OS9: variants seen among roughly 807,000 people sequenced by gnomAD.
OS9 encodes protein OS-9.
In OS9, 58 loss-of-function variants were observed where a neutral mutation model predicts 84.7. That is an observed-to-expected ratio of 0.68 (90% CI 0.55 to 0.85). OS9 has a LOEUF of 0.85. OS9 is among the 40% of genes least tolerant of loss of function. The pLI is 0.00. For missense variants in OS9, 760 were observed against 850.9 expected (o/e 0.89, Z 1.33); for synonymous variants, 278 against 320.8 (o/e 0.87, Z 1.43).
intron 5 of OS9, among the ~76,000 whole-genome samples, chr12:57,710,842 C>T (rs960502880): frequency 6.6e-6 from 1 of 151,952 alleles, no homozygotes; most frequent in African/African-American, 2.4e-5. Context: ...GAGTTCAAGA[C>T]CAGCTTGGCC....
At chr12:57,707,842 G>A (rs1954216254) in intron 5 of OS9, among the ~76,000 whole-genome samples, 1 of 151,634 alleles carries the variant, frequency 6.6e-6, no homozygotes. Flanking sequence ...TATAATCCTA[G>A]CATTTTGGGA....
At chr12:57,695,716 A>T (rs2140285004) in intron 2 of OS9, 64 bp from the exon 3 acceptor site, 2 of 991,080 alleles carry the variant, frequency 2.0e-6, no homozygotes, top group East Asian at 4.8e-5. Flanking sequence ...GAGCCAGGAG[A>T]CTCTGGTTCC....
rs1396601489 is a variant in OS9, at chr12:57,716,397, T to C, written c.893-15T>C. 7.1e-6 allele frequency: 11 copies of C among 1,544,290 alleles called. No individual in the cohort carries two copies. The highest frequency in any genetic ancestry group is 9.7e-6 in the Non-Finnish European group (11 of 1,139,814). The stretch of plus-strand genomic sequence containing the variant: ...CTCCTGTCAGATCAGTCTCTCCCTG[T>C]TCTCTGTACCCTAGGTGCGAGCCCG... On this transcript the variant is annotated splice_polypyrimidine_tract_variant and intron_variant, in intron 7 of 14. Coordinates refer to ENST00000315970, the MANE Select transcript of OS9 (RefSeq NM_006812.4).
chr12:57,704,079 T>C (rs11172304), intron 5 of OS9, among the ~76,000 whole-genome samples: 71,514 of 152,006 alleles, frequency 0.47, 17,371 homozygotes, highest in Middle Eastern at 0.65. Context: ...TTGGGTTTTT[T>C]CCCCTTCATT....
intron 13 of OS9, 57 bp from the exon 14 acceptor site, chr12:57,720,349 G>C: frequency 6.3e-7 from 1 of 1,586,468 alleles, no homozygotes; most frequent in Non-Finnish European, 8.7e-7. Flanking sequence ...GGGGCAGGGG[G>C]CCTGCCCTGA....
chr12:57,713,234 G>GT (rs1311443829), intron 5 of OS9, among the ~76,000 whole-genome samples: 1 of 152,118 alleles, frequency 6.6e-6, no homozygotes, highest in Non-Finnish European at 1.5e-5. Context: ...CCCATACTCT[G>GT]TTTCATATTA....
intron 5 of OS9, among the ~76,000 whole-genome samples, chr12:57,700,621 G>A (rs1953992887): frequency 6.6e-6 from 1 of 152,136 alleles, no homozygotes; most frequent in Non-Finnish European, 1.5e-5. Flanking sequence ...TCTCTGTGGG[G>A]CTAGGGAACA....
intron 5 of OS9, among the ~76,000 whole-genome samples, chr12:57,700,824 G>A (rs1212279685): frequency 6.6e-6 from 1 of 152,074 alleles, no homozygotes; most frequent in African/African-American, 2.4e-5. Flanking sequence ...AGAGCAATTT[G>A]CCTCTAAAGG....
chr12:57,718,818 T>G (rs1329625475), intron 11 of OS9, among the ~76,000 whole-genome samples, 175 bp from the exon 12 acceptor site: 1 of 151,220 alleles, frequency 6.6e-6, no homozygotes, highest in South Asian at 2.1e-4. Context: ...GGCAAGAGAA[T>G]CGCTCGAACC....
At chr12:57,719,981 T>C (rs1954624739) in intron 12 of OS9, 118 bp from the exon 13 acceptor site, 1 of 915,692 alleles carries the variant, frequency 1.1e-6, no homozygotes, top group East Asian at 2.4e-5. Flanking sequence ...CTCATATACA[T>C]GTTGAGATGG....
At chr12:57,698,296 C>T (rs988824885) in intron 5 of OS9, among the ~76,000 whole-genome samples, 5 of 100,938 alleles carry the variant, frequency 5.0e-5, no homozygotes, top group Non-Finnish European at 1.2e-4. Flanking sequence ...CGTATATAAT[C>T]CGTTATAGCA....
At chr12:57,700,214 G>C (rs1953979936) in intron 5 of OS9, among the ~76,000 whole-genome samples, 1 of 151,376 alleles carries the variant, frequency 6.6e-6, no homozygotes. Context: ...TGAGAGAGGG[G>C]GCATTCTGTG....
Position 57,718,149 on chromosome 12 carries a change from A to G in OS9, c.1138A>G (p.Lys380Glu). The G allele has an allele frequency of 1.2e-6, 2 of 1,613,372 alleles. No homozygotes were observed. The highest frequency in any genetic ancestry group is 1.7e-6 in the Non-Finnish European group (2 of 1,179,476). The change falls in exon 11 of 15, where the codon AAG becomes GAG. Residue 380 changes from lysine (K) to glutamate (E), a missense_variant. By Grantham distance (56) the Lys-to-Glu change is moderately conservative (BLOSUM62 1). Coordinates refer to ENST00000315970, the MANE Select transcript of OS9 (RefSeq NM_006812.4). ...TCCCCACTCCCTACCCACCCAGGGG[A>G]AGCCAAATATAGGCCAAGAGCAGCC... ...EELKGGTKKGKPNIGQEQPVD... is the reference protein window; with the variant it reads ...EELKGGTKKGEPNIGQEQPVD...
chr12:57,707,073 GA>G (rs1954192190), intron 5 of OS9, among the ~76,000 whole-genome samples: 1 of 151,802 alleles, frequency 6.6e-6, no homozygotes, highest in Non-Finnish European at 1.5e-5. Flanking sequence ...TAAAATTACA[GA>G]TTTTTTTGTT....
intron 5 of OS9, among the ~76,000 whole-genome samples, chr12:57,703,127 C>T (rs147269541): frequency 3.7e-4 from 57 of 152,286 alleles, no homozygotes; most frequent in African/African-American, 1.2e-3. Flanking sequence ...GCGATCTCAG[C>T]TCACTGCAAC....
chr12:57,694,758 T>G lies in OS9; in HGVS notation c.171T>G (p.Ser57=), dbSNP rs1953774130. ...CCTCCCTTCTTTCCCAGAGCCAATC[T>G]TCGGACGTGGTGATTGTCTCCTCTA... ...PLPVMGGQSQ[S]SDVVIVSSKY... is the part of the protein sequence containing the mutation. Residue 57 remains serine, a synonymous_variant, in exon 2 of 15, where the codon TCT becomes TCG. Coordinates refer to ENST00000315970, the MANE Select transcript of OS9 (RefSeq NM_006812.4). 1 of 1,613,604 alleles carries G rather than the reference T, an allele frequency of 6.2e-7. No individual in the cohort carries two copies. Among genetic ancestry groups the G allele is most frequent in the Non-Finnish European group, 8.5e-7 (1 of 1,179,962 alleles).
Position 57,721,090 on chromosome 12 carries a change from C to T in OS9, c.*181C>T. The T allele has an allele frequency of 1.6e-6, 1 of 627,496 alleles. No homozygotes were observed. Among genetic ancestry groups the T allele is most frequent in the East Asian group, 2.9e-5 (1 of 34,180 alleles). 38.9% of individuals were successfully genotyped at this position (627,496 alleles called of 1,614,324 possible). On this transcript the variant is annotated 3_prime_UTR_variant, in exon 15 of 15. Transcript: ENST00000315970. ...GGGTGAATGCTGCTGCCCCTGCTGG[C>T]AGCCACCTTGAGACCTCACCGGGCC...
Position 57,718,259 on chromosome 12 carries a change from G to GGAGGAT in OS9, c.1269_1274dup (p.Asp428_Glu429dup), listed in dbSNP as rs749881810. 1.3e-3 allele frequency: 2,090 copies of GGAGGAT among 1,614,140 alleles called. 6 individuals carry two copies. Among genetic ancestry groups the GGAGGAT allele is most frequent in the Non-Finnish European group, 1.2e-3 (1,455 of 1,180,008 alleles). On this transcript the variant is annotated inframe_insertion, in exon 11 of 15. Coordinates refer to ENST00000315970, the MANE Select transcript of OS9 (RefSeq NM_006812.4). ...AACGGCAGAGAGAGATGGAAGAAGA[G>GGAGGAT]GAGGATGAGGATGAGGATGAGGATG...
intron 10 of OS9, 85 bp from the exon 11 acceptor site, chr12:57,718,061 C>T (rs1156713426): frequency 1.7e-5 from 26 of 1,526,846 alleles, no homozygotes; most frequent in Middle Eastern, 3.5e-4. Flanking sequence ...CCCAGTACCA[C>T]ACACCTGCTA....
Sources: allele counts gnomAD v4.1 joint callset (sites outside exome capture counted in the v4.1 genomes callset), GRCh38; gene constraint gnomAD v4.1.1; transcripts MANE v1.5; gene names NCBI Gene and HGNC (gene_info 2026-07-23, HGNC 2026-07-21).